The following C11orf58 variants were observed in gnomAD, a reference collection of about 807,000 sequenced individuals.
The protein encoded by C11orf58 is chromosome 11 open reading frame 58.
In C11orf58, 5 loss-of-function variants were observed where a neutral mutation model predicts 22.7. The ratio of observed to expected loss-of-function variants is 0.22; its 90% CI spans 0.12 to 0.46. C11orf58 has a LOEUF of 0.46. Ranked by LOEUF, C11orf58 falls within the 20% of genes least tolerant of loss-of-function variation. The pLI, the probability that C11orf58 is intolerant of heterozygous loss-of-function variation, is 0.99. For missense variants in C11orf58, 151 were observed against 223.3 expected (o/e 0.68, Z 2.06); for synonymous variants, 71 against 70.7 (o/e 1.00, Z -0.02).
rs769056617 is a variant in C11orf58, at chr11:16,754,897, T to C, written c.345T>C (p.Asp115=). 1.5e-5 allele frequency: 24 copies of C among 1,614,114 alleles called. No individual in the cohort carries two copies. The highest frequency in any genetic ancestry group is 2.0e-5 in the Non-Finnish European group (24 of 1,180,008). The change falls in exon 5 of 5, where the codon GAT becomes GAC. Residue 115 remains aspartate (D), a synonymous_variant. Transcript: ENST00000228136. ...TAGAAGACCATGATGGAGAAGGTGA[T>C]GTGGCTGGAGATGATGATGATGACG... ...SEVEDHDGEG[D]VAGDDDDDDD... is the part of the protein sequence containing the mutation.
At chr11:16,742,361 G>A (rs967201490) in intron 1 of C11orf58, among the ~76,000 whole-genome samples, 2 of 152,162 alleles carry the variant, frequency 1.3e-5, no homozygotes, top group Non-Finnish European at 2.9e-5. Context: ...TTTTAAAAAG[G>A]CATCTCTTTA....
rs541344108 is a variant in C11orf58 at position 16,748,195 on chromosome 11, A to G, written c.208+38A>G. The G allele has an allele frequency of 1.6e-4, 242 of 1,489,738 alleles. No individual in the cohort carries two copies. The Middle Eastern group carries it at 1.7e-3, about 11-fold the overall frequency. 92.3% of individuals were successfully genotyped at this position (1,489,738 alleles called of 1,614,324 possible). A position where few individuals can be genotyped will look rare whatever the true frequency, so the allele number is the denominator to read the frequency against. ...AGTGTAATTAAAATGGAAGTGCTAA[A>G]TTCAGAATATGAAGTATGTGTTCAT... On this transcript the variant is annotated intron_variant, in intron 3 of 4. Transcript: ENST00000228136.
At chr11:16,741,197 T>C (rs1590072073) in intron 1 of C11orf58, among the ~76,000 whole-genome samples, 1 of 152,148 alleles carries the variant, frequency 6.6e-6, no homozygotes, top group African/African-American at 2.4e-5. Context: ...CTTATGCCCA[T>C]TGACCTCACA....
chr11:16,740,084 G>A (rs983804592), intron 1 of C11orf58, among the ~76,000 whole-genome samples: 2 of 152,152 alleles, frequency 1.3e-5, no homozygotes, highest in African/African-American at 4.8e-5. Flanking sequence ...TTCTGCTACT[G>A]GATTTTAGAT....
chr11:16,739,660 G>A (rs771326216), intron 1 of C11orf58: 2 of 152,154 alleles, frequency 1.3e-5, no homozygotes, highest in Non-Finnish European at 2.9e-5. Flanking sequence ...GAAACGGTAG[G>A]TAACCAGTAA....
chr11:16,738,717 G>A lies in C11orf58; in HGVS notation c.-62G>A. 1 of 1,579,644 alleles carries A rather than the reference G, an allele frequency of 6.3e-7. No individual in the cohort carries two copies. Among genetic ancestry groups the A allele is most frequent in the Non-Finnish European group, 8.7e-7 (1 of 1,149,924 alleles). On this transcript the variant is annotated 5_prime_UTR_variant, in exon 1 of 5. Transcript: ENST00000228136. ...GGCCCTTGGCGGATTGTAAGCTGCT[G>A]GTTTTGCGGCTGGGAAGAGCGGCGA...
At chr11:16,749,246 C>G (rs989503850) in intron 3 of C11orf58, 1 of 152,176 alleles carries the variant, frequency 6.6e-6, no homozygotes, top group Non-Finnish European at 1.5e-5. Context: ...ACACATTGAC[C>G]TAGATTATGT....
At chr11:16,743,029 G>A (rs1848459876) in intron 1 of C11orf58, among the ~76,000 whole-genome samples, 1 of 151,964 alleles carries the variant, frequency 6.6e-6, no homozygotes, top group Admixed American at 6.6e-5. Flanking sequence ...AACCTGTCTC[G>A]GATTTGCATC....
intron 1 of C11orf58, chr11:16,739,696 T>C (rs1848429712): frequency 6.6e-6 from 1 of 152,052 alleles, no homozygotes; most frequent in South Asian, 2.1e-4. Context: ...CTTCATACAA[T>C]GGATAAGTGT....
At chr11:16,753,179 G>C (rs1848547349) in intron 4 of C11orf58, among the ~76,000 whole-genome samples, 1 of 151,982 alleles carries the variant, frequency 6.6e-6, no homozygotes, top group African/African-American at 2.4e-5. Context: ...GCGGGTTCAA[G>C]TGATTCTTCT....
chr11:16,748,902 A>T (rs1056784857), intron 3 of C11orf58, among the ~76,000 whole-genome samples: 5 of 152,186 alleles, frequency 3.3e-5, no homozygotes, highest in Non-Finnish European at 7.3e-5. Context: ...TTACTGATTC[A>T]GAACATATAT....
At chr11:16,751,691 A>C (rs1848534589) in intron 3 of C11orf58, 1 of 152,184 alleles carries the variant, frequency 6.6e-6, no homozygotes, top group Admixed American at 6.5e-5. Flanking sequence ...AAAGAGACTG[A>C]GCCAGGACCT....
chr11:16,745,148 T>G (rs1848477913), intron 2 of C11orf58, among the ~76,000 whole-genome samples: 2 of 152,212 alleles, frequency 1.3e-5, no homozygotes, highest in Admixed American at 1.3e-4. Context: ...TCAGAGATTA[T>G]TTCTATAGTT....
At chr11:16,744,372 T>G in intron 1 of C11orf58, 1 of 468,352 alleles carries the variant, frequency 2.1e-6, no homozygotes, top group Non-Finnish European at 3.8e-6. Flanking sequence ...GGCAAACTTT[T>G]GAGACTCAGC....
rs975231480 is a variant in C11orf58, at chr11:16,757,745, A to C, written c.*2641A>C. Reference sequence around the variant, plus strand: ...ACTTTTAAATGTTTGCCTTATATCCAAGTGTTTACTTGTATCCATGACCTA... The same window carrying C: ...ACTTTTAAATGTTTGCCTTATATCCCAGTGTTTACTTGTATCCATGACCTA... On this transcript the variant is annotated 3_prime_UTR_variant, in exon 5 of 5. Transcript: ENST00000228136. Among the ~76,000 whole-genome samples the C allele has an allele frequency of 9.2e-5, 14 of 152,242 alleles. No individual in the cohort carries two copies. The highest frequency in any genetic ancestry group is 3.4e-4 in the African/African-American group (14 of 41,466).
In C11orf58 at chr11:16,738,695, C is replaced by G; in HGVS notation, c.-84C>G. The G allele has an allele frequency of 6.9e-7, 1 of 1,457,734 alleles. No homozygotes were observed. The highest frequency in any genetic ancestry group is 9.6e-7 in the Non-Finnish European group (1 of 1,040,304). The allele number at this position is 1,457,734 out of a possible 1,614,324, so 90.3% of individuals were successfully genotyped here. On this transcript the variant is annotated 5_prime_UTR_variant, in exon 1 of 5. Coordinates refer to ENST00000228136, the MANE Select transcript of C11orf58 (RefSeq NM_014267.6). ...CGTTCTGTAGTGGCGCTGCTTGGGC[C>G]CTTGGCGGATTGTAAGCTGCTGGTT...
In C11orf58 at chr11:16,748,126, A is replaced by T. The variant is rs1224501997; in HGVS notation, c.177A>T (p.Gly59=). The part of the protein sequence containing the change: ...KKEHTGRLVI[G]DHKSTSHFRT... Reference sequence around the variant, plus strand: ...AACATACTGGTCGTCTTGTTATAGGAGATCACAAATCAACATCTCACTTCC... The same window carrying T: ...AACATACTGGTCGTCTTGTTATAGGTGATCACAAATCAACATCTCACTTCC... Residue 59 remains glycine, a synonymous_variant, in exon 3 of 5, where the codon GGA becomes GGT. Coordinates refer to ENST00000228136, the MANE Select transcript of C11orf58 (RefSeq NM_014267.6). 1 of 1,613,162 alleles carries T rather than the reference A, an allele frequency of 6.2e-7. No individual in the cohort carries two copies. The highest frequency in any genetic ancestry group is 8.5e-7 in the Non-Finnish European group (1 of 1,179,330).
chr11:16,746,525 T>C (rs1369327040), intron 2 of C11orf58, among the ~76,000 whole-genome samples: 2 of 152,108 alleles, frequency 1.3e-5, no homozygotes, highest in Non-Finnish European at 2.9e-5. Flanking sequence ...GAAAATTAAG[T>C]GAGGACTTAA....
intron 2 of C11orf58, among the ~76,000 whole-genome samples, chr11:16,745,409 GATAAC>G (rs1285243385): frequency 1.3e-5 from 2 of 152,150 alleles, no homozygotes; most frequent in Non-Finnish European, 2.9e-5. Flanking sequence ...AAGTCTTACT[GATAAC>G]ATAATTATCA....
Sources: allele counts gnomAD v4.1 joint callset (sites outside exome capture counted in the v4.1 genomes callset), GRCh38; gene constraint gnomAD v4.1.1; transcripts MANE v1.5; gene names NCBI Gene and HGNC (gene_info 2026-07-23, HGNC 2026-07-21).